ATP1A3: variants seen among roughly 807,000 people sequenced by gnomAD.
ATP1A3 encodes ATPase Na+/K+ transporting subunit alpha 3.
In ATP1A3, 12 loss-of-function variants were observed where a neutral mutation model predicts 108.8. That is an observed-to-expected ratio of 0.11 (90% CI 0.07 to 0.18). ATP1A3 has a LOEUF of 0.18. Among genes scored for constraint, ATP1A3 ranks in the 10% least tolerant of loss-of-function variants. ATP1A3 has a pLI of 1.00. For synonymous variants in ATP1A3, 539 were observed against 564.5 expected (o/e 0.95, Z 0.64); for missense variants, 498 against 1,387.7 (o/e 0.36, Z 10.19).
chr19:41,972,794 AGGAAGGAAGG>A (rs1290770467), intron 16 of ATP1A3, among the ~76,000 whole-genome samples: 23 of 136,362 alleles, frequency 1.7e-4, no homozygotes, highest in African/African-American at 5.5e-4. Context: ...GGGGGAAGGA[AGGAAGGAAGG>A]GGAAGGAAGG....
intron 11 of ATP1A3, among the ~76,000 whole-genome samples, chr19:41,979,116 C>T (rs1167663928): frequency 7.2e-5 from 11 of 151,940 alleles, no homozygotes; most frequent in Admixed American, 1.3e-4. Context: ...AATTCTCCTG[C>T]CTCAGCCTCC....
chr19:41,976,497 G>A lies in ATP1A3; in HGVS notation c.2013C>T (p.Ile671=), dbSNP rs781814097. ...KDFTSEQIDE[I]LQNHTEIVFA... ...AGACGATCTCGGTGTGATTCTGCAG[G>A]ATCTCGTCGATTTGCTCGGAGGTGA... Residue 671 remains isoleucine (I), a synonymous_variant, in exon 15 of 23, where the codon ATC becomes ATT. Coordinates refer to ENST00000648268, the MANE Select transcript of ATP1A3 (RefSeq NM_152296.5). 3.7e-6 allele frequency: 6 copies of A among 1,614,082 alleles called. No individual in the cohort carries two copies. The highest frequency in any genetic ancestry group is 4.2e-6 in the Non-Finnish European group (5 of 1,180,054).
At chr19:41,982,356 TG>T (rs1280907365) in intron 8 of ATP1A3, among the ~76,000 whole-genome samples, 4 of 152,190 alleles carry the variant, frequency 2.6e-5, no homozygotes, top group African/African-American at 9.7e-5. Context: ...CCAGGTGCAG[TG>T]GCTCACGCCT....
intron 14 of ATP1A3, among the ~76,000 whole-genome samples, chr19:41,977,092 G>A (rs186593309): frequency 9.2e-5 from 14 of 151,880 alleles, no homozygotes; most frequent in African/African-American, 2.9e-4. Flanking sequence ...ACAGGCGTGA[G>A]CCACTGCGCC....
rs781891861 is a variant in ATP1A3, at chr19:41,967,335, C to T, written c.2927G>A (p.Ser976Asn). 6.2e-7 allele frequency: 1 copy of T among 1,608,026 alleles called. No individual in the cohort carries two copies. The highest frequency in any genetic ancestry group is 8.5e-7 in the Non-Finnish European group (1 of 1,179,980). The change falls in exon 22 of 23, where the codon AGC becomes AAC. Residue 976 changes from serine to asparagine, a missense_variant. Physicochemically the swap from Ser to Asn is conservative, Grantham distance 46. This residue lies in a region of ATP1A3 where 121 missense variants were observed against 425.1 expected (regional missense o/e 0.28). Transcript: ENST00000648268. This position sits in a 1 kb window ranked among gnomAD's most constrained non-coding sequence, Gnocchi z 4.2. ...VALRMYPLKP[S>N]WWFCAFPYSF... Reference sequence around the variant, plus strand: ...GTAGGGGAAGGCACAGAACCACCAGCTGGGCCTGCAGAGGGGAGAGCAGGA... The same window carrying T: ...GTAGGGGAAGGCACAGAACCACCAGTTGGGCCTGCAGAGGGGAGAGCAGGA...
At chr19:41,976,673 G>C in intron 14 of ATP1A3, 107 bp from the exon 15 acceptor site, 4 of 1,509,434 alleles carry the variant, frequency 2.7e-6, no homozygotes, top group Non-Finnish European at 3.6e-6. Flanking sequence ...AACCAGGAGA[G>C]CCAGAGGACC....
chr19:41,977,594 A>G (rs377037332), intron 14 of ATP1A3, among the ~76,000 whole-genome samples: 1 of 152,094 alleles, frequency 6.6e-6, no homozygotes, highest in East Asian at 1.9e-4. Flanking sequence ...CAGCTACTCA[A>G]GAGGCTGAGG....
Position 41,970,227 on chromosome 19 carries a change from A to G in ATP1A3, c.2500T>C (p.Leu834=), listed in dbSNP as rs782648382. ...ATGCTGATGAGTCTCTCATTGACCA[A>G]TTTGTCCGTCCGCGGGTTCCTGGGC... is the stretch of plus-strand genomic sequence containing the variant. ...RQPRNPRTDK[L]VNERLISMAY... Residue 834 remains leucine, a synonymous_variant, in exon 18 of 23, where the codon TTG becomes CTG. Transcript: ENST00000648268. The G allele has an allele frequency of 6.2e-6, 10 of 1,614,032 alleles. No individual in the cohort carries two copies. The African/African-American group carries it at 8.0e-5, about 13-fold the overall frequency.
chr19:41,987,007 G>A (rs1555865697), intron 4 of ATP1A3, among the ~76,000 whole-genome samples: 2 of 152,124 alleles, frequency 1.3e-5, no homozygotes, highest in South Asian at 4.1e-4. Context: ...GCCTCCCAAG[G>A]TGCTGGGATG....
Position 41,978,393 on chromosome 19 carries a change from T to C in ATP1A3, c.1631-67A>G. On this transcript the variant is annotated intron_variant, in intron 12 of 22. Transcript: ENST00000648268. The surrounding 1 kb of genome is among the most constrained non-coding windows in gnomAD (Gnocchi z 8.3). ...GGAACCTCCGCCCCATGCCCCTAGA[T>C]GTCTGCATCGCCCGCATTCCATCTC... is the stretch of plus-strand genomic sequence containing the variant. 1.3e-6 allele frequency: 2 copies of C among 1,538,262 alleles called. No homozygotes were observed. The highest frequency in any genetic ancestry group is 1.8e-6 in the Non-Finnish European group (2 of 1,137,382).
Position 41,968,165 on chromosome 19 carries a change from T to C in ATP1A3, c.2820-402A>G, listed in dbSNP as rs2075065522. Among the ~76,000 whole-genome samples the C allele has an allele frequency of 6.6e-6, 1 of 151,832 alleles. No homozygotes were observed. Among genetic ancestry groups the C allele is most frequent in the African/African-American group, 2.4e-5 (1 of 41,304 alleles). ...GCACCTCCACCACACACACAGAGGCTGAGAGAGAATCTAGGACACACAGGA... is the reference window on the plus strand; with the variant it reads ...GCACCTCCACCACACACACAGAGGCCGAGAGAGAATCTAGGACACACAGGA... On this transcript the variant is annotated intron_variant, in intron 20 of 22. Transcript: ENST00000648268. This position sits in a 1 kb window ranked among gnomAD's most constrained non-coding sequence, Gnocchi z 5.0.
rs577896260 is a variant in ATP1A3 at position 41,967,843 on chromosome 19, C to G, written c.2820-80G>C. 4.1e-6 allele frequency: 5 copies of G among 1,215,306 alleles called. No homozygotes were observed. The highest frequency in any genetic ancestry group is 3.8e-5 in the Admixed American group (2 of 52,220). 75.3% of individuals were successfully genotyped at this position (1,215,306 alleles called of 1,614,324 possible). ...CACCCCGCAGAGACAGGGGGAGGCACAGTGCAGACACCCAGAGACAGCAGC... is the reference window on the plus strand; with the variant it reads ...CACCCCGCAGAGACAGGGGGAGGCAGAGTGCAGACACCCAGAGACAGCAGC... On this transcript the variant is annotated intron_variant, in intron 20 of 22. Transcript: ENST00000648268. This position sits in a 1 kb window ranked among gnomAD's most constrained non-coding sequence, Gnocchi z 4.2.
chr19:41,966,639 G>A lies in ATP1A3; in HGVS notation c.*298C>T, dbSNP rs781980860. The A allele has an allele frequency of 6.0e-5, 90 of 1,497,402 alleles. 2 individuals carry two copies. The Middle Eastern group carries it at 6.8e-3, about 113-fold the overall frequency. The allele number at this position is 1,497,402 out of a possible 1,614,324, so 92.8% of individuals were successfully genotyped here. A position where few individuals can be genotyped will look rare whatever the true frequency, so the allele number is the denominator to read the frequency against. On this transcript the variant is annotated 3_prime_UTR_variant, in exon 23 of 23. Transcript: ENST00000648268. ...TCCAGAACCAGAGATGGCATCAGCCGGGGGGCTGAAGGGGAGTAAAAAAGA... is the reference window on the plus strand; with the variant it reads ...TCCAGAACCAGAGATGGCATCAGCCAGGGGGCTGAAGGGGAGTAAAAAAGA...
At chr19:41,977,489 C>T (rs777478131) in intron 14 of ATP1A3, among the ~76,000 whole-genome samples, 3 of 148,848 alleles carry the variant, frequency 2.0e-5, no homozygotes, top group Non-Finnish European at 4.4e-5. Context: ...AGTTCGAGAC[C>T]AGCCTGGCCA....
At chr19:41,982,251 C>T in intron 8 of ATP1A3, 145 bp from the exon 9 acceptor site, 1 of 1,355,510 alleles carries the variant, frequency 7.4e-7, no homozygotes, top group Non-Finnish European at 1.0e-6. Flanking sequence ...CCAGCAATGC[C>T]ACCCCCAATT....
chr19:41,990,201 G>A (rs1264560902), intron 1 of ATP1A3, among the ~76,000 whole-genome samples: 1 of 151,280 alleles, frequency 6.6e-6, no homozygotes, highest in Non-Finnish European at 1.5e-5. Flanking sequence ...ACCTCTCTCT[G>A]TCTCTCTCTC....
At chr19:41,989,793 G>T (rs2075319784) in intron 1 of ATP1A3, among the ~76,000 whole-genome samples, 1 of 151,910 alleles carries the variant, frequency 6.6e-6, no homozygotes, top group African/African-American at 2.4e-5. Flanking sequence ...GTCTTTGCAA[G>T]GCTGTTTCTC....
intron 14 of ATP1A3, among the ~76,000 whole-genome samples, chr19:41,977,197 G>A (rs1186521426): frequency 1.3e-5 from 2 of 152,004 alleles, no homozygotes; most frequent in East Asian, 1.9e-4. Flanking sequence ...GAAAGTTGAA[G>A]AAGTCAGAAA....
chr19:41,986,929 G>T (rs1484268630), intron 4 of ATP1A3, among the ~76,000 whole-genome samples: 1 of 151,508 alleles, frequency 6.6e-6, no homozygotes, highest in African/African-American at 2.4e-5. Flanking sequence ...TTTTTTAGAG[G>T]CTGGGTCTGT....
Sources: allele counts gnomAD v4.1 joint callset (sites outside exome capture counted in the v4.1 genomes callset), GRCh38; gene constraint gnomAD v4.1.1; regional missense constraint gnomAD v4.1.1; non-coding constraint Gnocchi (gnomAD v3.1); transcripts MANE v1.5; gene names NCBI Gene and HGNC (gene_info 2026-07-23, HGNC 2026-07-21).